RANBP17: variants seen among roughly 807,000 people sequenced by gnomAD.
RANBP17 encodes RAN binding protein 17.
Under a neutral mutation model 141.2 loss-of-function variants are expected in RANBP17, and 158 were observed. The ratio of observed to expected loss-of-function variants is 1.12; its 90% CI spans 0.98 to 1.28. RANBP17 has a LOEUF of 1.28. RANBP17 is among the 50% of genes most tolerant of loss of function. RANBP17 has a pLI of 0.00. For missense variants in RANBP17, 1,438 were observed against 1,290.7 expected, an observed-to-expected ratio of 1.11 and a Z score of -1.75; for synonymous variants, 430 against 450.0, an observed-to-expected ratio of 0.96 and a Z score of 0.56.
rs150789890 is a variant in RANBP17, at chr5:170,880,144, T to G, written c.166-1662T>G. ...TGTGTCCTCAACTTCTTTGGAAATA[T>G]TCTGTCCTGTAGTTCTCCCACAGTC... On this transcript the variant is annotated intron_variant, in intron 2 of 27. Coordinates refer to ENST00000523189, the MANE Select transcript of RANBP17 (RefSeq NM_022897.5). 9.1e-4 allele frequency among the ~76,000 whole-genome samples: 138 copies of G among 152,336 alleles called. No individual in the cohort carries two copies. The Middle Eastern group carries it at 0.027, about 30-fold the overall frequency.
chr5:170,957,875 A>G (rs1775843690), intron 13 of RANBP17, among the ~76,000 whole-genome samples: 1 of 152,204 alleles, frequency 6.6e-6, no homozygotes, highest in Non-Finnish European at 1.5e-5. Context: ...AATACACATG[A>G]AACAAGATTG....
chr5:170,964,155 A>G (rs1776350080), intron 13 of RANBP17, among the ~76,000 whole-genome samples: 1 of 152,130 alleles, frequency 6.6e-6, no homozygotes, highest in Admixed American at 6.5e-5. Flanking sequence ...TTCAATTTTT[A>G]TGGAGTGCAC....
chr5:170,867,626 A>G (rs1011441506), intron 1 of RANBP17, among the ~76,000 whole-genome samples: 1 of 152,226 alleles, frequency 6.6e-6, no homozygotes, highest in Non-Finnish European at 1.5e-5. Flanking sequence ...GGAAAGATAC[A>G]GGAAAGTAAT....
intron 14 of RANBP17, among the ~76,000 whole-genome samples, chr5:171,142,200 A>C (rs191179391): frequency 2.6e-5 from 4 of 152,142 alleles, no homozygotes; most frequent in Non-Finnish European, 1.5e-5. Context: ...TCTGTGCTCT[A>C]TATTTTTAGT....
At chr5:171,123,195 C>G (rs1442190657) in intron 14 of RANBP17, among the ~76,000 whole-genome samples, 1 of 152,186 alleles carries the variant, frequency 6.6e-6, no homozygotes, top group African/African-American at 2.4e-5. Context: ...CCCACCAGAG[C>G]TAGCACCCAT....
At chr5:171,140,779 C>T (rs1375150889) in intron 14 of RANBP17, among the ~76,000 whole-genome samples, 1 of 152,168 alleles carries the variant, frequency 6.6e-6, no homozygotes, top group East Asian at 1.9e-4. Flanking sequence ...TAAAAAATTC[C>T]TATTTTGAGG....
intron 4 of RANBP17, among the ~76,000 whole-genome samples, chr5:170,894,934 G>A (rs964506974): frequency 2.0e-5 from 3 of 152,124 alleles, no homozygotes; most frequent in African/African-American, 7.2e-5. Flanking sequence ...TCTGTTACAT[G>A]CTCTTTATTT....
Position 170,927,332 on chromosome 5 carries a change from A to G in RANBP17, c.1468+2782A>G, listed in dbSNP as rs1042894509. Among the ~76,000 whole-genome samples the G allele has an allele frequency of 5.3e-5, 8 of 152,234 alleles. 1 individual carries two copies. The South Asian group carries it at 1.5e-3, about 28-fold the overall frequency. ...TGTGCAGAATGTGCAGGTTTGTTAC[A>G]TAGGTATACACATGCCATGGTGGTT... is the stretch of plus-strand genomic sequence containing the variant. On this transcript the variant is annotated intron_variant, in intron 12 of 27. Coordinates refer to ENST00000523189, the MANE Select transcript of RANBP17 (RefSeq NM_022897.5).
intron 14 of RANBP17, among the ~76,000 whole-genome samples, chr5:171,094,469 C>G (rs937468379): frequency 2.0e-5 from 3 of 152,066 alleles, no homozygotes; most frequent in African/African-American, 4.8e-5. Context: ...TCATTATTAT[C>G]ATTGTTATTT....
chr5:171,002,980 T>C (rs1779325933), intron 14 of RANBP17, among the ~76,000 whole-genome samples: 1 of 152,068 alleles, frequency 6.6e-6, no homozygotes, highest in African/African-American at 2.4e-5. Context: ...GAGCAGAAAG[T>C]ATATGTGTCA....
intron 14 of RANBP17, among the ~76,000 whole-genome samples, chr5:171,131,459 G>A (rs1327940773): frequency 6.6e-6 from 1 of 152,136 alleles, no homozygotes; most frequent in Non-Finnish European, 1.5e-5. Context: ...GATGGCTTAT[G>A]AATTAAAAGC....
intron 3 of RANBP17, 83 bp downstream of exon 3, chr5:170,881,979 C>A: frequency 1.3e-6 from 1 of 796,308 alleles, no homozygotes; most frequent in Non-Finnish European, 1.9e-6. Flanking sequence ...ACTAGGATTG[C>A]AAATTTTTTA....
chr5:171,185,987 T>C (rs971260681), intron 18 of RANBP17, among the ~76,000 whole-genome samples: 2 of 152,232 alleles, frequency 1.3e-5, no homozygotes, highest in African/African-American at 4.8e-5. Flanking sequence ...TAAACCATGC[T>C]GTAAACAGAT....
intron 25 of RANBP17, among the ~76,000 whole-genome samples, chr5:171,279,689 G>A (rs1157205660): frequency 6.6e-6 from 1 of 152,024 alleles, no homozygotes; most frequent in Admixed American, 6.6e-5. Flanking sequence ...AACCCTAACA[G>A]GGAGATAAGG....
At chr5:170,956,977 G>T (rs947500559) in intron 13 of RANBP17, among the ~76,000 whole-genome samples, 5 of 151,528 alleles carry the variant, frequency 3.3e-5, no homozygotes, top group Admixed American at 1.3e-4. Context: ...GGCTGAGGCG[G>T]GAGAATGGCG....
chr5:171,081,467 A>G (rs1281491348), intron 14 of RANBP17, among the ~76,000 whole-genome samples: 2 of 152,182 alleles, frequency 1.3e-5, no homozygotes, highest in African/African-American at 4.8e-5. Flanking sequence ...AAGTGTTGAA[A>G]TATTAACTGA....
chr5:171,046,142 A>C (rs114322176), intron 14 of RANBP17, among the ~76,000 whole-genome samples: 2,748 of 151,838 alleles, frequency 0.018, 81 homozygotes, highest in African/African-American at 0.063. Flanking sequence ...TATTTTCTCC[A>C]TCATAGGATC....
chr5:171,239,050 T>C (rs1764708994), intron 22 of RANBP17, among the ~76,000 whole-genome samples: 1 of 152,208 alleles, frequency 6.6e-6, no homozygotes, highest in African/African-American at 2.4e-5. Context: ...TCACACATAG[T>C]AGCTGTTAAA....
At chr5:171,194,986 T>A (rs1285654936) in intron 18 of RANBP17, among the ~76,000 whole-genome samples, 1 of 152,238 alleles carries the variant, frequency 6.6e-6, no homozygotes, top group African/African-American at 2.4e-5. Context: ...AATGAATAAC[T>A]TTCTGTTTAA....
Sources: allele counts gnomAD v4.1 joint callset (sites outside exome capture counted in the v4.1 genomes callset), GRCh38; gene constraint gnomAD v4.1.1; transcripts MANE v1.5; gene names NCBI Gene and HGNC (gene_info 2026-07-23, HGNC 2026-07-21).